Variants in SORCS3 observed in about 807,000 individuals in gnomAD.
The protein encoded by SORCS3 is sortilin related VPS10 domain containing receptor 3.
SORCS3 carries 57 observed loss-of-function variants against 146.3 expected under a neutral mutation model. The observed-to-expected ratio is 0.39, with a 90% CI of 0.31 to 0.49. The LOEUF is 0.49. SORCS3 is among the 20% of genes least tolerant of loss of function. The pLI is 0.92. For synonymous variants in SORCS3, 653 were observed against 618.5 expected (o/e 1.06, Z -0.83); for missense variants, 1,341 against 1,575.5 (o/e 0.85, Z 2.52).
intron 7 of SORCS3, among the ~76,000 whole-genome samples, chr10:105,116,155 T>C (rs1455745164): frequency 6.6e-6 from 1 of 152,188 alleles, no homozygotes; most frequent in Non-Finnish European, 1.5e-5. Flanking sequence ...GTGATCTGAT[T>C]GCAAAGTAAT....
rs371747542 is a variant in SORCS3 at position 105,253,643 on chromosome 10, C to T, written c.3237+737C>T. ...GCAATAGAAATAAGTGAGCATGAGG[C>T]TGCAGAAAATCGGCATGAATCACAA... On this transcript the variant is annotated intron_variant, in intron 23 of 26. Transcript: ENST00000369701. Among the ~76,000 whole-genome samples the T allele has an allele frequency of 3.9e-5, 6 of 152,270 alleles. No homozygotes were observed. In the East Asian group the frequency reaches 9.7e-4, roughly 25 times the overall value.
At chr10:104,944,226 G>T (rs769765412) in intron 3 of SORCS3, among the ~76,000 whole-genome samples, 22 of 152,138 alleles carry the variant, frequency 1.4e-4, no homozygotes, top group Non-Finnish European at 2.9e-4. Context: ...CTTCTGGATT[G>T]CAGATATGAC....
chr10:105,164,502 T>A, intron 12 of SORCS3, 123 bp downstream of exon 12: 1 of 777,218 alleles, frequency 1.3e-6, no homozygotes, highest in Non-Finnish European at 2.2e-6. Context: ...TTGAAGCAGC[T>A]GTTCAGTTTG....
intron 20 of SORCS3, among the ~76,000 whole-genome samples, chr10:105,234,779 T>G (rs943609925): frequency 1.8e-4 from 28 of 152,244 alleles, no homozygotes; most frequent in African/African-American, 5.5e-4. Flanking sequence ...GCTGTCTACC[T>G]TATCCATGAA....
In SORCS3 at chr10:105,197,468, C is replaced by A. The variant is rs534765542; in HGVS notation, c.2010-2531C>A. On this transcript the variant is annotated intron_variant, in intron 14 of 26. Coordinates refer to ENST00000369701, the MANE Select transcript of SORCS3 (RefSeq NM_014978.3). ...TAGATTCAAACACTCAGTCTATATC[C>A]TTCTTGAATGGTAACAGTCAAAAGC... Among the ~76,000 whole-genome samples the A allele has an allele frequency of 5.9e-5, 9 of 152,234 alleles. No individual in the cohort carries two copies. In the East Asian group the frequency reaches 9.6e-4, roughly 16 times the overall value.
At chr10:104,945,751 C>G (rs1317478607) in intron 3 of SORCS3, among the ~76,000 whole-genome samples, 1 of 151,084 alleles carries the variant, frequency 6.6e-6, no homozygotes, top group Non-Finnish European at 1.5e-5. Flanking sequence ...TACACTTTTT[C>G]ACAAAATTAA....
At chr10:104,713,151 A>G (rs1458920781) in intron 1 of SORCS3, among the ~76,000 whole-genome samples, 1 of 145,916 alleles carries the variant, frequency 6.9e-6, no homozygotes, top group African/African-American at 2.5e-5. Context: ...GTGTGTGTGT[A>G]GTGTGGGTGC....
intron 1 of SORCS3, 68 bp downstream of exon 1, chr10:104,642,022 G>GGGGGGGGGGGGGGGGGGCCCCCC: frequency 8.7e-5 from 15 of 173,322 alleles, no homozygotes; most frequent in Non-Finnish European, 1.1e-4. Flanking sequence ...GGGTGGGTGG[G>GGGGGGGGGGGGGGGGGGCCCCCC]AGCGAGGGAC....
At chr10:104,916,509 C>G (rs778931859) in intron 3 of SORCS3, among the ~76,000 whole-genome samples, 2 of 152,188 alleles carry the variant, frequency 1.3e-5, no homozygotes, top group Non-Finnish European at 1.5e-5. Context: ...CTCTGCTTTC[C>G]TCTTGATTTA....
At position 105,264,406 on chromosome 10, in the gene SORCS3, A is replaced by C. The variant is rs564418436; in HGVS notation, c.*1032A>C. The C allele has an allele frequency of 3.0e-4, 45 of 152,332 alleles. 2 individuals carry two copies. Among genetic ancestry groups the C allele is most frequent in the African/African-American group, 1.0e-3 (43 of 41,582 alleles). The allele number at this position is 152,332 out of a possible 1,614,324, so 9.4% of individuals were successfully genotyped here. Reference sequence around the variant, plus strand: ...AAATGACAATCTGTTTTTAAATTGGATTCTATGAAAATGCATAATGCTTAT... The same window carrying C: ...AAATGACAATCTGTTTTTAAATTGGCTTCTATGAAAATGCATAATGCTTAT... On this transcript the variant is annotated 3_prime_UTR_variant, in exon 27 of 27. Transcript: ENST00000369701.
At chr10:104,858,938 T>TAG (rs1554855005) in intron 2 of SORCS3, among the ~76,000 whole-genome samples, 2 of 138,558 alleles carry the variant, frequency 1.4e-5, no homozygotes, top group Non-Finnish European at 3.1e-5. Context: ...TGTACATTTA[T>TAG]AAAAAAAAAA....
At chr10:104,717,331 G>T (rs780408744) in intron 1 of SORCS3, among the ~76,000 whole-genome samples, 27 of 147,738 alleles carry the variant, frequency 1.8e-4, no homozygotes, top group Non-Finnish European at 4.0e-4. Flanking sequence ...AAAAGAAAAT[G>T]TCAGCATGCA....
chr10:105,174,366 G>T (rs953259474), intron 13 of SORCS3, among the ~76,000 whole-genome samples: 2 of 151,652 alleles, frequency 1.3e-5, no homozygotes, highest in African/African-American at 4.9e-5. Context: ...CATCCCTTGG[G>T]GATACCATTC....
At chr10:105,053,143 C>A (rs1401525787) in intron 5 of SORCS3, among the ~76,000 whole-genome samples, 1 of 152,050 alleles carries the variant, frequency 6.6e-6, no homozygotes, top group East Asian at 1.9e-4. Context: ...GGGCACTAAT[C>A]ACATTATGAG....
intron 19 of SORCS3, among the ~76,000 whole-genome samples, chr10:105,218,381 A>C (rs2056677675): frequency 1.3e-5 from 2 of 152,218 alleles, no homozygotes; most frequent in South Asian, 4.1e-4. Context: ...AATTTAACAA[A>C]AATTTGTTGA....
chr10:104,959,526 A>G (rs2054780586), intron 3 of SORCS3, among the ~76,000 whole-genome samples: 1 of 152,182 alleles, frequency 6.6e-6, no homozygotes, highest in African/African-American at 2.4e-5. Context: ...TCCAGCCTCC[A>G]GAGCTGTGAG....
intron 5 of SORCS3, among the ~76,000 whole-genome samples, chr10:105,084,539 C>T (rs981127463): frequency 1.3e-5 from 2 of 152,132 alleles, no homozygotes; most frequent in Non-Finnish European, 2.9e-5. Flanking sequence ...ATTGCTTACA[C>T]CCAATGAATG....
chr10:105,203,119 A>G (rs770383614), intron 16 of SORCS3, among the ~76,000 whole-genome samples: 34 of 152,304 alleles, frequency 2.2e-4, no homozygotes, highest in South Asian at 2.1e-4. Context: ...TGCTAGGAAT[A>G]TAACTGGAAG....
chr10:105,114,911 T>C (rs1457263260), intron 7 of SORCS3, among the ~76,000 whole-genome samples: 2 of 152,172 alleles, frequency 1.3e-5, no homozygotes, highest in African/African-American at 4.8e-5. Flanking sequence ...TGGATACATG[T>C]TGCTGTTAGT....
Sources: allele counts gnomAD v4.1 joint callset (sites outside exome capture counted in the v4.1 genomes callset), GRCh38; gene constraint gnomAD v4.1.1; transcripts MANE v1.5; gene names NCBI Gene and HGNC (gene_info 2026-07-23, HGNC 2026-07-21).